Variants in SLC10A7 observed in about 807,000 individuals in gnomAD.
SLC10A7 encodes the protein sodium/bile acid cotransporter 7.
SLC10A7 carries 29 observed loss-of-function variants against 43.2 expected under a neutral mutation model. The observed-to-expected ratio is 0.67, with a 90% CI of 0.50 to 0.92. The LOEUF is 0.92. Ranked by LOEUF, SLC10A7 falls within the 40% of genes least tolerant of loss-of-function variation. The probability of loss-of-function intolerance (pLI) is 0.00; values close to 1 mark genes in which losing one functional copy is unlikely to be tolerated. For synonymous variants in SLC10A7, 152 were observed against 144.8 expected (o/e 1.05, Z -0.35); for missense variants, 295 against 403.2 (o/e 0.73, Z 2.30).
intron 5 of SLC10A7, among the ~76,000 whole-genome samples, chr4:146,432,152 G>C (rs1417579645): frequency 1.3e-5 from 2 of 152,212 alleles, no homozygotes; most frequent in African/African-American, 4.8e-5. Flanking sequence ...TGGCAAGGTT[G>C]TGGAGTAACT....
intron 6 of SLC10A7, among the ~76,000 whole-genome samples, chr4:146,317,921 T>G (rs531271227): frequency 1.3e-5 from 2 of 152,128 alleles, no homozygotes; most frequent in East Asian, 1.9e-4. Flanking sequence ...AGCTTCCAGA[T>G]AGCAGATAGT....
At chr4:146,455,837 T>C (rs1162414325) in intron 4 of SLC10A7, among the ~76,000 whole-genome samples, 2 of 151,970 alleles carry the variant, frequency 1.3e-5, no homozygotes, top group African/African-American at 2.4e-5. Context: ...TATTTTAAAC[T>C]AATAAGTTCT....
chr4:146,286,461 AG>A (rs1729957794), intron 9 of SLC10A7, among the ~76,000 whole-genome samples: 1 of 147,518 alleles, frequency 6.8e-6, no homozygotes, highest in East Asian at 2.0e-4. Flanking sequence ...AGAAGGACTG[AG>A]TTTGGAGTGG....
chr4:146,447,599 T>C (rs549868121), intron 4 of SLC10A7, among the ~76,000 whole-genome samples: 2 of 152,106 alleles, frequency 1.3e-5, no homozygotes, highest in South Asian at 4.1e-4. Flanking sequence ...TATTAACTCA[T>C]AAAATCCCAT....
intron 4 of SLC10A7, among the ~76,000 whole-genome samples, chr4:146,450,442 T>C (rs1009528759): frequency 2.0e-5 from 3 of 152,096 alleles, no homozygotes; most frequent in Non-Finnish European, 4.4e-5. Context: ...CTAGAACCAA[T>C]ACCCCACAGA....
At chr4:146,276,556 T>A (rs1234198925) in intron 10 of SLC10A7, among the ~76,000 whole-genome samples, 1 of 152,174 alleles carries the variant, frequency 6.6e-6, no homozygotes, top group Non-Finnish European at 1.5e-5. Flanking sequence ...ATAAGCTGAA[T>A]AAAATAATAA....
At chr4:146,420,319 T>C (rs1728874795) in intron 5 of SLC10A7, among the ~76,000 whole-genome samples, 1 of 152,186 alleles carries the variant, frequency 6.6e-6, no homozygotes, top group Non-Finnish European at 1.5e-5. Flanking sequence ...CAATTAATCT[T>C]AAGATCTTTG....
chr4:146,445,866 G>C (rs940757165), intron 4 of SLC10A7, among the ~76,000 whole-genome samples: 3 of 149,684 alleles, frequency 2.0e-5, no homozygotes, highest in African/African-American at 7.4e-5. Flanking sequence ...TTGTTCAAAC[G>C]CTTCTCTCTT....
chr4:146,335,715 G>T (rs10012369), intron 5 of SLC10A7, among the ~76,000 whole-genome samples: 110,600 of 151,952 alleles, frequency 0.73, 40,705 homozygotes, highest in African/African-American at 0.82. Flanking sequence ...ATGATGATAA[G>T]ATAATCATTT....
At chr4:146,264,369 G>T (rs1728423623) in intron 10 of SLC10A7, among the ~76,000 whole-genome samples, 1 of 152,066 alleles carries the variant, frequency 6.6e-6, no homozygotes, top group Non-Finnish European at 1.5e-5. Flanking sequence ...AACTTCCACT[G>T]AAGGCTGCTC....
chr4:146,460,117 A>G (rs1732406938), intron 4 of SLC10A7, among the ~76,000 whole-genome samples: 1 of 151,962 alleles, frequency 6.6e-6, no homozygotes, highest in Non-Finnish European at 1.5e-5. Flanking sequence ...GAGAACTATT[A>G]ATTAATTAAA....
chr4:146,305,363 G>C (rs1403418912), intron 7 of SLC10A7, among the ~76,000 whole-genome samples: 1 of 148,744 alleles, frequency 6.7e-6, no homozygotes, highest in Non-Finnish European at 1.5e-5. Flanking sequence ...CTCATAGGTG[G>C]GAATTGAACA....
At chr4:146,428,278 T>A (rs991331107) in intron 5 of SLC10A7, among the ~76,000 whole-genome samples, 1 of 152,218 alleles carries the variant, frequency 6.6e-6, no homozygotes, top group East Asian at 1.9e-4. Flanking sequence ...CTGTCTCTTC[T>A]CCATTACATG....
At chr4:146,499,926 T>A (rs1212888249) in intron 4 of SLC10A7, among the ~76,000 whole-genome samples, 1 of 152,180 alleles carries the variant, frequency 6.6e-6, no homozygotes, top group Admixed American at 6.5e-5. Context: ...AATGTGAACT[T>A]TGGCCAAAAG....
At chr4:146,319,013 T>C (rs1732512655) in intron 6 of SLC10A7, among the ~76,000 whole-genome samples, 1 of 152,072 alleles carries the variant, frequency 6.6e-6, no homozygotes, top group Non-Finnish European at 1.5e-5. Context: ...GCCTCCACCA[T>C]GGTCCCCTTA....
intron 5 of SLC10A7, among the ~76,000 whole-genome samples, chr4:146,345,231 G>T (rs1052301732): frequency 6.6e-6 from 1 of 152,142 alleles, no homozygotes; most frequent in African/African-American, 2.4e-5. Flanking sequence ...AGTCAAGAGT[G>T]CAATGGCAAA....
chr4:146,462,730 C>A (rs1263887612), intron 4 of SLC10A7, among the ~76,000 whole-genome samples: 1 of 152,102 alleles, frequency 6.6e-6, no homozygotes, highest in South Asian at 2.1e-4. Context: ...AATAGCTGTA[C>A]CACCACAACT....
At chr4:146,411,267 C>A (rs188245117) in intron 5 of SLC10A7, among the ~76,000 whole-genome samples, 1 of 152,256 alleles carries the variant, frequency 6.6e-6, no homozygotes, top group South Asian at 2.1e-4. Context: ...CTACAGACCA[C>A]CGTGGTGCCC....
intron 5 of SLC10A7, among the ~76,000 whole-genome samples, chr4:146,339,720 G>A (rs1578925419): frequency 6.6e-6 from 1 of 151,112 alleles, no homozygotes; most frequent in African/African-American, 2.4e-5. Flanking sequence ...TTTTCTCCAA[G>A]CCTAATCTAC....
Sources: gnomAD v4.1 joint callset for allele counts (sites outside exome capture counted in the v4.1 genomes callset) on GRCh38, gnomAD v4.1.1 for gene constraint, MANE v1.5 for transcripts, NCBI Gene and HGNC (gene_info 2026-07-23, HGNC 2026-07-21) for gene names.